RFPL1: variants seen among roughly 807,000 people sequenced by gnomAD.
RFPL1 encodes ret finger protein like 1.
In RFPL1, 6 loss-of-function variants were observed where a neutral mutation model predicts 9.6. The observed-to-expected ratio is 0.62, with a 90% CI of 0.34 to 1.23. RFPL1 has a LOEUF of 1.23. Ranked by LOEUF, RFPL1 falls within the 50% of genes most tolerant of loss-of-function variation. RFPL1 has a pLI of 0.03. For synonymous variants in RFPL1, 145 were observed against 149.4 expected (o/e 0.97, Z 0.22); for missense variants, 352 against 398.4 (o/e 0.88, Z 0.99).
chr22:29,398,826 G>GA, the RFPL1 span, among the ~76,000 whole-genome samples: 1 of 152,320 alleles, frequency 6.6e-6, no homozygotes, highest in Non-Finnish European at 1.5e-5. Context: ...GGAACTTCCA[G>GA]AAAATCTTCC....
chr22:29,416,088 T>C, the RFPL1 span, among the ~76,000 whole-genome samples: 43 of 152,322 alleles, frequency 2.8e-4, 1 homozygote, highest in South Asian at 8.3e-3. Context: ...AGAGAATCCC[T>C]GTCCCCTTCC....
the RFPL1 span, among the ~76,000 whole-genome samples, chr22:29,420,283 G>C: frequency 1.3e-5 from 2 of 152,252 alleles, no homozygotes; most frequent in Non-Finnish European, 2.9e-5. Flanking sequence ...TGGACAGATA[G>C]TCAGGACCCT....
chr22:29,417,636 C>A, the RFPL1 span, among the ~76,000 whole-genome samples: 8 of 150,978 alleles, frequency 5.3e-5, no homozygotes, highest in African/African-American at 7.4e-5. Flanking sequence ...GTTTTTATTT[C>A]TTTGGCAGTA....
chr22:29,403,056 G>A, the RFPL1 span, among the ~76,000 whole-genome samples: 131 of 150,924 alleles, frequency 8.7e-4, no homozygotes, highest in African/African-American at 2.4e-3. Context: ...GTAGTGGAAG[G>A]AGGAGCTCTG....
At chr22:29,393,286 A>C in the RFPL1 span, among the ~76,000 whole-genome samples, 1 of 152,148 alleles carries the variant, frequency 6.6e-6, no homozygotes, top group African/African-American at 2.4e-5. Context: ...CCAAGTAGAG[A>C]TAAGGAAAAG....
At chr22:29,396,014 G>C in the RFPL1 span, among the ~76,000 whole-genome samples, 1 of 150,512 alleles carries the variant, frequency 6.6e-6, no homozygotes, top group Non-Finnish European at 1.5e-5. Context: ...GAAGAGAAGA[G>C]AAAGAAAAGA....
chr22:29,419,865 G>A, the RFPL1 span, among the ~76,000 whole-genome samples: 1 of 151,344 alleles, frequency 6.6e-6, no homozygotes, highest in Non-Finnish European at 1.5e-5. Flanking sequence ...TGAAGCAACA[G>A]GAACCATGGA....
the RFPL1 span, among the ~76,000 whole-genome samples, chr22:29,422,225 C>G: frequency 2.0e-5 from 3 of 152,198 alleles, no homozygotes; most frequent in African/African-American, 4.8e-5. Flanking sequence ...GGGTGGATCA[C>G]TTGAGGTCAG....
At chr22:29,428,576 G>T in the RFPL1 span, among the ~76,000 whole-genome samples, 1 of 152,186 alleles carries the variant, frequency 6.6e-6, no homozygotes, top group African/African-American at 2.4e-5. Context: ...ATCCTCTCCA[G>T]GATGGACCAC....
chr22:29,424,440 A>G, the RFPL1 span, among the ~76,000 whole-genome samples: 8 of 151,282 alleles, frequency 5.3e-5, no homozygotes, highest in East Asian at 1.5e-3. Flanking sequence ...TAATCTTGTC[A>G]ATAATATAAC....
chr22:29,441,702 C>T (rs758156629), exon 2 of RFPL1: 2 of 1,613,898 alleles, frequency 1.2e-6, no homozygotes, highest in Non-Finnish European at 1.7e-6. Context: ...TTACCTGTGG[C>T]CGCCACTACT....
At chr22:29,410,770 C>T in the RFPL1 span, among the ~76,000 whole-genome samples, 1 of 151,122 alleles carries the variant, frequency 6.6e-6, no homozygotes, top group Non-Finnish European at 1.5e-5. Context: ...CTCCGGCTTC[C>T]GCATCCCGAG....
At chr22:29,412,629 T>C in the RFPL1 span, among the ~76,000 whole-genome samples, 1 of 152,174 alleles carries the variant, frequency 6.6e-6, no homozygotes, top group East Asian at 1.9e-4. Context: ...CTCTTCCTCA[T>C]TTGTTCTTAT....
At chr22:29,396,698 C>T in the RFPL1 span, among the ~76,000 whole-genome samples, 38 of 152,178 alleles carry the variant, frequency 2.5e-4, no homozygotes, top group African/African-American at 1.2e-4. Context: ...AGGCTGGTCT[C>T]GAACTCCTGG....
chr22:29,398,851 C>T, the RFPL1 span, among the ~76,000 whole-genome samples: 1 of 152,180 alleles, frequency 6.6e-6, no homozygotes, highest in Non-Finnish European at 1.5e-5. Context: ...TCTTCCTGTC[C>T]TCCATCCTGC....
At chr22:29,404,477 T>C in the RFPL1 span, among the ~76,000 whole-genome samples, 1 of 152,078 alleles carries the variant, frequency 6.6e-6, no homozygotes, top group Non-Finnish European at 1.5e-5. Context: ...TTGTGTCACA[T>C]ATGAGAAGGC....
chr22:29,387,972 G>C, the RFPL1 span, among the ~76,000 whole-genome samples: 7 of 152,222 alleles, frequency 4.6e-5, no homozygotes, highest in Admixed American at 3.9e-4. Context: ...ACAAGACCAA[G>C]CCAGTGCCTA....
the RFPL1 span, among the ~76,000 whole-genome samples, chr22:29,416,128 G>C: frequency 6.6e-6 from 1 of 152,204 alleles, no homozygotes; most frequent in Non-Finnish European, 1.5e-5. Context: ...GGAAGCAAAC[G>C]CCCTCCCAGG....
At chr22:29,420,600 A>T in the RFPL1 span, among the ~76,000 whole-genome samples, 1 of 124,736 alleles carries the variant, frequency 8.0e-6, no homozygotes, top group African/African-American at 3.1e-5. Context: ...AAGCCTTGGG[A>T]TTACAGGCAT....
Sources: allele counts gnomAD v4.1 joint callset (sites outside exome capture counted in the v4.1 genomes callset), GRCh38; gene constraint gnomAD v4.1.1; transcripts MANE v1.5; gene names NCBI Gene and HGNC (gene_info 2026-07-23, HGNC 2026-07-21).